Variants in ZNF521 observed in about 807,000 individuals in gnomAD.
ZNF521 encodes the protein zinc finger protein 521, also known as LYST-interacting protein 3.
Under a neutral mutation model 105.5 loss-of-function variants are expected in ZNF521, and 14 were observed. The observed-to-expected ratio is 0.13, with a 90% CI of 0.09 to 0.21. The LOEUF (loss-of-function observed/expected upper bound fraction) is 0.21. Among genes scored for constraint, ZNF521 ranks in the 10% least tolerant of loss-of-function variants. The probability of loss-of-function intolerance (pLI) is 1.00; values close to 1 mark genes in which losing one functional copy is unlikely to be tolerated. For missense variants in ZNF521, 1,233 were observed against 1,629.7 expected (o/e 0.76, Z 4.19); for synonymous variants, 635 against 606.0 (o/e 1.05, Z -0.70).
chr18:25,221,138 C>A (rs545062894), intron 4 of ZNF521, among the ~76,000 whole-genome samples: 9 of 152,154 alleles, frequency 5.9e-5, no homozygotes, highest in Non-Finnish European at 1.0e-4. Flanking sequence ...GATTAATAAT[C>A]TGAGGATTCT....
At chr18:25,228,621 G>A (rs1360403826) in intron 3 of ZNF521, among the ~76,000 whole-genome samples, 1 of 152,150 alleles carries the variant, frequency 6.6e-6, no homozygotes, top group African/African-American at 2.4e-5. Context: ...AGCAACTTGT[G>A]AAAAACTGGA....
chr18:25,167,327 A>C (rs2144545301), intron 5 of ZNF521, among the ~76,000 whole-genome samples: 1 of 152,348 alleles, frequency 6.6e-6, no homozygotes, highest in South Asian at 2.1e-4. Context: ...TGTTTTATGT[A>C]AGTGCTTCTA....
chr18:25,123,189 AAG>A (rs1244125043), intron 5 of ZNF521, among the ~76,000 whole-genome samples: 5 of 151,896 alleles, frequency 3.3e-5, no homozygotes, highest in Non-Finnish European at 7.4e-5. Flanking sequence ...ACAAAGAAGT[AAG>A]AGAAGCAAAC....
chr18:25,083,754 TTTTG>T (rs149473626), intron 7 of ZNF521, among the ~76,000 whole-genome samples: 21 of 148,402 alleles, frequency 1.4e-4, no homozygotes, highest in East Asian at 1.0e-3. Context: ...CATATATATA[TTTTG>T]TTTGTTTGTT....
chr18:25,116,704 A>G (rs1186402900), intron 5 of ZNF521, among the ~76,000 whole-genome samples: 1 of 151,882 alleles, frequency 6.6e-6, no homozygotes, highest in African/African-American at 2.4e-5. Context: ...GGAATAACAC[A>G]AGATGAATTT....
At chr18:25,129,246 GAATAAT>G (rs747830346) in intron 5 of ZNF521, among the ~76,000 whole-genome samples, 31 of 127,424 alleles carry the variant, frequency 2.4e-4, no homozygotes, top group African/African-American at 8.0e-4. Flanking sequence ...CTTTCACACG[GAATAAT>G]AATAATAATA....
intron 5 of ZNF521, among the ~76,000 whole-genome samples, chr18:25,148,904 T>C (rs969736823): frequency 6.6e-6 from 1 of 152,164 alleles, no homozygotes; most frequent in Non-Finnish European, 1.5e-5. Flanking sequence ...TAGCAACCAA[T>C]CTATTATTTA....
chr18:25,293,351 T>TACACACAC (rs55818021), intron 3 of ZNF521, among the ~76,000 whole-genome samples: 2,572 of 143,156 alleles, frequency 0.018, 66 homozygotes, highest in African/African-American at 0.06. Flanking sequence ...CATGTACACA[T>TACACACAC]ACACACACAC....
intron 5 of ZNF521, among the ~76,000 whole-genome samples, chr18:25,109,668 T>C (rs1304758066): frequency 6.6e-6 from 1 of 152,230 alleles, no homozygotes; most frequent in Non-Finnish European, 1.5e-5. Flanking sequence ...TGATACCTCA[T>C]TGTGGTTTTA....
chr18:25,299,498 TACA>T (rs1911508190), intron 3 of ZNF521, among the ~76,000 whole-genome samples: 1 of 152,202 alleles, frequency 6.6e-6, no homozygotes, highest in South Asian at 2.1e-4. Context: ...ATACCTGAAA[TACA>T]ACTCAATTAC....
intron 3 of ZNF521, among the ~76,000 whole-genome samples, chr18:25,258,935 G>T (rs1469350626): frequency 6.6e-6 from 1 of 152,106 alleles, no homozygotes; most frequent in Non-Finnish European, 1.5e-5. Context: ...ATGACAATGT[G>T]CCAGGCACCC....
At chr18:25,222,369 T>C (rs751226371) in intron 4 of ZNF521, among the ~76,000 whole-genome samples, 1 of 152,238 alleles carries the variant, frequency 6.6e-6, no homozygotes, top group Non-Finnish European at 1.5e-5. Flanking sequence ...ACTATTTATA[T>C]GTCCTCATTC....
chr18:25,180,931 C>T (rs1293741170), intron 5 of ZNF521, among the ~76,000 whole-genome samples: 2 of 152,190 alleles, frequency 1.3e-5, no homozygotes, highest in Non-Finnish European at 2.9e-5. Context: ...ATTCGTGGTA[C>T]TCATTCTATC....
intron 3 of ZNF521, among the ~76,000 whole-genome samples, chr18:25,276,959 G>T (rs866113733): frequency 2.0e-5 from 3 of 152,306 alleles, no homozygotes; most frequent in African/African-American, 7.2e-5. Context: ...AAGGCGGGTG[G>T]ATCACCTAAG....
intron 5 of ZNF521, among the ~76,000 whole-genome samples, chr18:25,120,783 T>C (rs903122491): frequency 1.3e-5 from 2 of 152,164 alleles, no homozygotes; most frequent in African/African-American, 4.8e-5. Context: ...ATCAACCCCT[T>C]TAGAATTAAA....
chr18:25,232,629 C>T (rs910901952), intron 3 of ZNF521, among the ~76,000 whole-genome samples: 20 of 152,160 alleles, frequency 1.3e-4, no homozygotes, highest in Non-Finnish European at 2.6e-4. Context: ...ATGTTCCAAA[C>T]ATTAAATTAT....
chr18:25,220,553 G>T (rs1471612494), intron 4 of ZNF521, among the ~76,000 whole-genome samples: 1 of 152,066 alleles, frequency 6.6e-6, no homozygotes, highest in African/African-American at 2.4e-5. Context: ...CTATTTACCC[G>T]CCCCTGTTTT....
At chr18:25,310,460 T>C (rs529375685) in intron 3 of ZNF521, among the ~76,000 whole-genome samples, 49 of 150,984 alleles carry the variant, frequency 3.2e-4, no homozygotes, top group African/African-American at 1.2e-3. Context: ...AGGGAAAAGA[T>C]TAAATTGATG....
At chr18:25,256,417 A>AT (rs1286459640) in intron 3 of ZNF521, among the ~76,000 whole-genome samples, 1 of 152,150 alleles carries the variant, frequency 6.6e-6, no homozygotes, top group Non-Finnish European at 1.5e-5. Context: ...ACCACAATTA[A>AT]TTTTTTTAAG....
Sources: allele counts gnomAD v4.1 joint callset (sites outside exome capture counted in the v4.1 genomes callset), GRCh38; gene constraint gnomAD v4.1.1; transcripts MANE v1.5; gene names NCBI Gene and HGNC (gene_info 2026-07-23, HGNC 2026-07-21).